The following NT5DC1 variants were observed in gnomAD, a reference collection of about 807,000 sequenced individuals.
The protein encoded by NT5DC1 is 5'-nucleotidase domain-containing protein 1.
In NT5DC1, 42 loss-of-function variants were observed where a neutral mutation model predicts 59.4. The observed-to-expected ratio is 0.71, with a 90% CI of 0.55 to 0.92. NT5DC1 has a LOEUF of 0.92. NT5DC1 is among the 40% of genes least tolerant of loss of function. The pLI, the probability that NT5DC1 is intolerant of heterozygous loss-of-function variation, is 0.00. For synonymous variants in NT5DC1, 172 were observed against 188.1 expected, an observed-to-expected ratio of 0.91 and a Z score of 0.70; for missense variants, 501 against 537.1, an observed-to-expected ratio of 0.93 and a Z score of 0.66.
intron 6 of NT5DC1, among the ~76,000 whole-genome samples, chr6:116,158,244 T>C (rs1352694184): frequency 2.2e-5 from 2 of 91,572 alleles, no homozygotes; most frequent in Admixed American, 1.2e-4. Flanking sequence ...GGGAGTAGTT[T>C]AGTGTGCTAC....
At chr6:116,168,031 A>T (rs1352360956) in intron 6 of NT5DC1, among the ~76,000 whole-genome samples, 1 of 149,060 alleles carries the variant, frequency 6.7e-6, no homozygotes, top group Non-Finnish European at 1.5e-5. Context: ...TGAGATTACT[A>T]ATTTCTCTTT....
chr6:116,119,378 T>A (rs1311848188), intron 6 of NT5DC1: 3 of 152,422 alleles, frequency 2.0e-5, no homozygotes, highest in Non-Finnish European at 2.9e-5. Flanking sequence ...ATAAAAAGCT[T>A]CTCTGCAATC....
chr6:116,146,444 T>C (rs1779899349), intron 6 of NT5DC1, among the ~76,000 whole-genome samples: 1 of 152,200 alleles, frequency 6.6e-6, no homozygotes, highest in Non-Finnish European at 1.5e-5. Flanking sequence ...TAACTGGAGT[T>C]GCTTTACTCA....
chr6:116,114,530 GGGGGGA>G lies in NT5DC1; in HGVS notation c.365-1155_365-1150del, dbSNP rs1397752966. Among the ~76,000 whole-genome samples the G allele has an allele frequency of 4.9e-4, 42 of 85,338 alleles. 1 individual carries two copies. The highest frequency in any genetic ancestry group is 4.3e-3 in the South Asian group (11 of 2,538). 56.0% of individuals were successfully genotyped at this position (85,338 alleles called of 152,430 possible). Reference sequence around the variant, plus strand: ...ACCTCATATACATAGCTTGCAAATTGGGGGGAGGGGGGGGGAGTCAAAATCAGGTGA... The same window carrying G: ...ACCTCATATACATAGCTTGCAAATTGGGGGGGGGGAGTCAAAATCAGGTGA... On this transcript the variant is annotated intron_variant, in intron 4 of 11. Coordinates refer to ENST00000319550, the MANE Select transcript of NT5DC1 (RefSeq NM_152729.3).
chr6:116,162,492 T>A (rs1337604930), intron 6 of NT5DC1, among the ~76,000 whole-genome samples: 6 of 152,240 alleles, frequency 3.9e-5, no homozygotes, highest in African/African-American at 1.4e-4. Context: ...TGAAGAGATG[T>A]TGGATTTTAT....
chr6:116,114,643 C>T (rs992989440), intron 4 of NT5DC1, among the ~76,000 whole-genome samples: 1 of 151,760 alleles, frequency 6.6e-6, no homozygotes. Flanking sequence ...TTCTTTGTAT[C>T]AAGCGTTCTC....
At chr6:116,164,193 T>C (rs1234980426) in intron 6 of NT5DC1, among the ~76,000 whole-genome samples, 1 of 152,250 alleles carries the variant, frequency 6.6e-6, no homozygotes, top group Non-Finnish European at 1.5e-5. Context: ...GATGTCGAAG[T>C]TTCCCACTAT....
At chr6:116,227,185 G>A (rs1384480741) in intron 8 of NT5DC1, among the ~76,000 whole-genome samples, 1 of 151,924 alleles carries the variant, frequency 6.6e-6, no homozygotes, top group Non-Finnish European at 1.5e-5. Context: ...CTATGAGTTT[G>A]GCTTTTTTAC....
intron 6 of NT5DC1, among the ~76,000 whole-genome samples, chr6:116,154,344 G>A (rs1780126969): frequency 6.6e-6 from 1 of 152,102 alleles, no homozygotes; most frequent in Admixed American, 6.6e-5. Context: ...TTCTGTTCCT[G>A]TATCCTAACA....
intron 11 of NT5DC1, among the ~76,000 whole-genome samples, chr6:116,240,422 A>G (rs1771683915): frequency 6.6e-6 from 1 of 152,234 alleles, no homozygotes; most frequent in African/African-American, 2.4e-5. Flanking sequence ...TAAAGTATAC[A>G]GGAAGATGTA....
chr6:116,225,804 T>C (rs1233648672), intron 8 of NT5DC1, among the ~76,000 whole-genome samples: 1 of 152,218 alleles, frequency 6.6e-6, no homozygotes, highest in Non-Finnish European at 1.5e-5. Context: ...TTTTTTAAGA[T>C]CGAAGATACT....
At chr6:116,228,149 G>GT (rs1781945056) in intron 8 of NT5DC1, among the ~76,000 whole-genome samples, 1 of 152,212 alleles carries the variant, frequency 6.6e-6, no homozygotes, top group Non-Finnish European at 1.5e-5. Flanking sequence ...AATGAAGACT[G>GT]TAAAGTGCTT....
In NT5DC1 at chr6:116,120,172, G is replaced by A. The variant is rs752542878; in HGVS notation, c.529+2227G>A. 5 of 1,613,942 alleles carry A rather than the reference G, an allele frequency of 3.1e-6. No homozygotes were observed. The African/African-American group carries it at 5.3e-5, about 17-fold the overall frequency. On this transcript the variant is annotated intron_variant, in intron 6 of 11. Transcript: ENST00000319550. Reference sequence around the variant, plus strand: ...CATTGGGAAGCTGGAGCCACACCTGGTCATTTTCTGTGAGATCGATGATGG... The same window carrying A: ...CATTGGGAAGCTGGAGCCACACCTGATCATTTTCTGTGAGATCGATGATGG...
intron 6 of NT5DC1, among the ~76,000 whole-genome samples, chr6:116,181,493 G>T (rs1257108844): frequency 6.6e-6 from 1 of 152,032 alleles, no homozygotes; most frequent in East Asian, 1.9e-4. Flanking sequence ...ACTAGGAATA[G>T]AAAAGAACTT....
At chr6:116,214,513 A>G (rs1277744652) in intron 6 of NT5DC1, among the ~76,000 whole-genome samples, 1 of 152,094 alleles carries the variant, frequency 6.6e-6, no homozygotes, top group Non-Finnish European at 1.5e-5. Context: ...TATTCTACTG[A>G]AGTAATTCTC....
chr6:116,199,853 G>A (rs1312971058), intron 6 of NT5DC1, among the ~76,000 whole-genome samples: 1 of 151,956 alleles, frequency 6.6e-6, no homozygotes, highest in Non-Finnish European at 1.5e-5. Flanking sequence ...GTAAATAAAT[G>A]GGGAGAAGAG....
At chr6:116,139,831 G>A (rs1282761114) in intron 6 of NT5DC1, among the ~76,000 whole-genome samples, 2 of 152,120 alleles carry the variant, frequency 1.3e-5, no homozygotes, top group Admixed American at 1.3e-4. Flanking sequence ...TAAAAGTTGT[G>A]TCTTTGAGAC....
At position 116,152,357 on chromosome 6, in the gene NT5DC1, C is replaced by T. The variant is rs1243401251; in HGVS notation, c.529+34412C>T. Among the ~76,000 whole-genome samples, 20 of 152,088 alleles carry T rather than the reference C, an allele frequency of 1.3e-4. 1 individual carries two copies. The highest frequency in any genetic ancestry group is 1.3e-3 in the Admixed American group (20 of 15,262). ...TAACTCCCATTCCTTTCTTTCTGGCCTCTGCTTTTCACCGTGAGGTAGATT... is the reference window on the plus strand; with the variant it reads ...TAACTCCCATTCCTTTCTTTCTGGCTTCTGCTTTTCACCGTGAGGTAGATT... On this transcript the variant is annotated intron_variant, in intron 6 of 11. Transcript: ENST00000319550.
chr6:116,149,217 T>C (rs896286828), intron 6 of NT5DC1, among the ~76,000 whole-genome samples: 3 of 152,228 alleles, frequency 2.0e-5, no homozygotes, highest in African/African-American at 7.2e-5. Context: ...TATTAGCTGT[T>C]TGACACAATT....
Sources: gnomAD v4.1 joint callset for allele counts (sites outside exome capture counted in the v4.1 genomes callset) on GRCh38, gnomAD v4.1.1 for gene constraint, MANE v1.5 for transcripts, NCBI Gene and HGNC (gene_info 2026-07-23, HGNC 2026-07-21) for gene names.